The following NEDD4L variants were observed in gnomAD, a reference collection of about 807,000 sequenced individuals.
NEDD4L encodes the protein NEDD4 like E3 ubiquitin protein ligase.
A neutral mutation model predicts 148.9 loss-of-function variants in NEDD4L; 54 were observed. That is an observed-to-expected ratio of 0.36 (90% confidence interval 0.29 to 0.45). NEDD4L has a LOEUF of 0.45. Ranked by LOEUF, NEDD4L falls within the 20% of genes least tolerant of loss-of-function variation. The probability of loss-of-function intolerance (pLI) is 1.00; values close to 1 mark genes in which losing one functional copy is unlikely to be tolerated. For synonymous variants in NEDD4L, 433 were observed against 440.7 expected (o/e 0.98, Z 0.22); for missense variants, 856 against 1,233.8 (o/e 0.69, Z 4.59).
intron 2 of NEDD4L, among the ~76,000 whole-genome samples, chr18:58,234,515 C>T (rs918594104): frequency 1.3e-5 from 2 of 151,646 alleles, no homozygotes; most frequent in African/African-American, 2.4e-5. Flanking sequence ...AAAAAAAAAT[C>T]GTAGAGATAG....
chr18:58,129,198 C>T (rs2145927018), intron 1 of NEDD4L, among the ~76,000 whole-genome samples: 1 of 152,350 alleles, frequency 6.6e-6, no homozygotes, highest in African/African-American at 2.4e-5. Context: ...ACACAAAGGG[C>T]TGACTGAGGC....
In NEDD4L at chr18:58,373,225, G is replaced by A. The variant is rs2047125397; in HGVS notation, c.2308G>A (p.Glu770Lys). Residue 770 changes from glutamate to lysine, a missense_variant, in exon 24 of 31, where the codon GAG (glutamate) becomes AAG (lysine). Glu to Lys is a moderately conservative substitution (Grantham distance 56, BLOSUM62 1). This residue lies in a region of NEDD4L where 286 missense variants were observed against 531.8 expected (regional missense o/e 0.54). Transcript: ENST00000400345. ...LKWILENDPTELDLMFCIDEE... is the reference protein window; with the variant it reads ...LKWILENDPTKLDLMFCIDEE... ...ATGGATCCTGGAGAATGACCCTACTGAGCTGGACCTCATGTTCTGCATAGA... is the reference window on the plus strand; with the variant it reads ...ATGGATCCTGGAGAATGACCCTACTAAGCTGGACCTCATGTTCTGCATAGA... The A allele has an allele frequency of 6.3e-7, 1 of 1,580,720 alleles. No individual in the cohort carries two copies.
intron 1 of NEDD4L, chr18:58,091,595 C>G (rs1249764105): frequency 1.3e-5 from 2 of 152,190 alleles, no homozygotes; most frequent in Non-Finnish European, 2.9e-5. Flanking sequence ...CATGGACTTA[C>G]TCATTTCATT....
chr18:58,151,214 A>G (rs929925454), intron 1 of NEDD4L, among the ~76,000 whole-genome samples: 8 of 152,122 alleles, frequency 5.3e-5, no homozygotes, highest in African/African-American at 1.7e-4. Flanking sequence ...GTGTCAAGGG[A>G]AAGAAACATG....
intron 1 of NEDD4L, among the ~76,000 whole-genome samples, chr18:58,162,666 T>A (rs1180225658): frequency 6.6e-6 from 1 of 151,158 alleles, no homozygotes; most frequent in Non-Finnish European, 1.5e-5. Flanking sequence ...TGTTTACATC[T>A]CTATCTCCAG....
chr18:58,277,506 T>TC (rs1218978363), intron 5 of NEDD4L, among the ~76,000 whole-genome samples: 2 of 151,710 alleles, frequency 1.3e-5, no homozygotes, highest in Non-Finnish European at 2.9e-5. Flanking sequence ...TGTGGCAGTC[T>TC]CCCCTAGGCT....
Position 58,174,567 on chromosome 18 carries a change from C to T in NEDD4L, c.122+8706C>T, listed in dbSNP as rs147959953. Among the ~76,000 whole-genome samples, 184 of 152,232 alleles carry T rather than the reference C, an allele frequency of 1.2e-3. 3 individuals are homozygous for T. In the East Asian group the frequency reaches 0.029, roughly 24 times the overall value. ...ACCACATTCCATCGTGTCCTGGTGGCATCATCAATGAATGAACATGTTCTT... is the reference window on the plus strand; with the variant it reads ...ACCACATTCCATCGTGTCCTGGTGGTATCATCAATGAATGAACATGTTCTT... On this transcript the variant is annotated intron_variant, in intron 2 of 30. Coordinates refer to ENST00000400345, the MANE Select transcript of NEDD4L (RefSeq NM_001144967.3).
At chr18:58,152,106 A>C (rs986981003) in intron 1 of NEDD4L, among the ~76,000 whole-genome samples, 4 of 133,980 alleles carry the variant, frequency 3.0e-5, no homozygotes, top group Admixed American at 2.9e-4. Context: ...CTTCAGAAAA[A>C]TTAAAAAAAA....
chr18:58,360,806 G>A (rs2045373184), intron 19 of NEDD4L, among the ~76,000 whole-genome samples: 1 of 151,748 alleles, frequency 6.6e-6, no homozygotes, highest in African/African-American at 2.4e-5. Context: ...GAGAGCATGA[G>A]CAAGCTCATT....
In NEDD4L at chr18:58,210,842, A is replaced by T. The variant is rs560716517; in HGVS notation, c.123-34585A>T. Among the ~76,000 whole-genome samples the T allele has an allele frequency of 2.6e-4, 40 of 152,336 alleles. 2 individuals carry two copies. The South Asian group carries it at 7.0e-3, about 27-fold the overall frequency. On this transcript the variant is annotated intron_variant, in intron 2 of 30. Transcript: ENST00000400345. ...GAAAGTAAATGTAGAAATTTAAAAT[A>T]ATTTATTAACAAATAGACTCTTGGG...
rs139638813 is a variant in NEDD4L, at chr18:58,221,290, TAG to T, written c.123-24134_123-24133del. 6.9e-3 allele frequency among the ~76,000 whole-genome samples: 1,055 copies of T among 152,254 alleles called. 10 individuals carry two copies. The highest frequency in any genetic ancestry group is 0.023 in the African/African-American group (966 of 41,544). ...ATAAGCAAAACAGCCCCGCCAGACA[TAG>T]AGTCATCCACAAAACCTCATGACCT... is the stretch of plus-strand genomic sequence containing the variant. On this transcript the variant is annotated intron_variant, in intron 2 of 30. Transcript: ENST00000400345.
At chr18:58,307,771 C>T (rs756984147) in intron 5 of NEDD4L, among the ~76,000 whole-genome samples, 3 of 152,136 alleles carry the variant, frequency 2.0e-5, no homozygotes, top group Non-Finnish European at 4.4e-5. Context: ...GGCATTGAAC[C>T]CCTGGTGTAC....
chr18:58,352,978 G>T (rs764065259), intron 18 of NEDD4L, among the ~76,000 whole-genome samples: 1 of 152,240 alleles, frequency 6.6e-6, no homozygotes, highest in African/African-American at 2.4e-5. Context: ...CACTTGTGGT[G>T]TCATAGACCT....
chr18:58,360,519 TG>T (rs2045322522), intron 19 of NEDD4L, among the ~76,000 whole-genome samples: 1 of 152,256 alleles, frequency 6.6e-6, no homozygotes, highest in Non-Finnish European at 1.5e-5. Flanking sequence ...AAGTTTTATT[TG>T]GTCGTTTAAA....
intron 5 of NEDD4L, among the ~76,000 whole-genome samples, chr18:58,303,130 C>T (rs2056691303): frequency 6.6e-6 from 1 of 152,218 alleles, no homozygotes; most frequent in Non-Finnish European, 1.5e-5. Context: ...ACAACCACTT[C>T]TTGCAAGCAT....
intron 2 of NEDD4L, among the ~76,000 whole-genome samples, chr18:58,244,083 T>C (rs1311471526): frequency 6.6e-6 from 1 of 152,252 alleles, no homozygotes; most frequent in Non-Finnish European, 1.5e-5. Flanking sequence ...GCATATTTAT[T>C]ATTTGAAATA....
intron 1 of NEDD4L, among the ~76,000 whole-genome samples, chr18:58,054,143 C>A (rs981779802): frequency 6.6e-6 from 1 of 151,906 alleles, no homozygotes; most frequent in African/African-American, 2.4e-5. Context: ...TGCAAGTAAC[C>A]CTAATCTATT....
At chr18:58,350,709 A>C (rs993933173) in intron 17 of NEDD4L, among the ~76,000 whole-genome samples, 1 of 152,202 alleles carries the variant, frequency 6.6e-6, no homozygotes, top group African/African-American at 2.4e-5. Context: ...CCACTGTTCC[A>C]TGGAATGCTG....
At chr18:58,079,474 A>G (rs1448842962) in intron 1 of NEDD4L, among the ~76,000 whole-genome samples, 1 of 152,194 alleles carries the variant, frequency 6.6e-6, no homozygotes, top group South Asian at 2.1e-4. Flanking sequence ...ACGACACCCT[A>G]TAACTTAGGT....
Sources: gnomAD v4.1 joint callset for allele counts (sites outside exome capture counted in the v4.1 genomes callset) on GRCh38, gnomAD v4.1.1 for gene constraint, gnomAD v4.1.1 regional missense constraint, MANE v1.5 for transcripts, NCBI Gene and HGNC (gene_info 2026-07-23, HGNC 2026-07-21) for gene names.